The following NR3C2 variants were observed in gnomAD, a reference collection of about 807,000 sequenced individuals.
NR3C2 encodes nuclear receptor subfamily 3 group C member 2.
Under a neutral mutation model 86.4 loss-of-function variants are expected in NR3C2, and 15 were observed. The ratio of observed to expected loss-of-function variants is 0.17; its 90% CI spans 0.12 to 0.27. NR3C2 has a LOEUF of 0.27. Ranked by LOEUF, NR3C2 falls within the 10% of genes least tolerant of loss-of-function variation. NR3C2 has a pLI of 1.00. For missense variants in NR3C2, 960 were observed against 1,195.6 expected (o/e 0.80, Z 2.91); for synonymous variants, 458 against 450.5 (o/e 1.02, Z -0.21).
intron 8 of NR3C2, among the ~76,000 whole-genome samples, chr4:148,088,694 T>C (rs1168680158): frequency 7.1e-6 from 1 of 140,592 alleles, no homozygotes; most frequent in East Asian, 2.2e-4. Context: ...GAGGGGAACA[T>C]CACACACTGG....
intron 7 of NR3C2, among the ~76,000 whole-genome samples, chr4:148,118,235 A>G (rs1438841386): frequency 6.6e-6 from 1 of 152,164 alleles, no homozygotes; most frequent in Admixed American, 6.5e-5. Context: ...TGGTTCCAGA[A>G]GCCCAAAACA....
intron 6 of NR3C2, among the ~76,000 whole-genome samples, chr4:148,127,456 TATA>T (rs1328780372): frequency 3.3e-5 from 5 of 152,196 alleles, no homozygotes; most frequent in Non-Finnish European, 7.3e-5. Flanking sequence ...AGCAAGCTCA[TATA>T]ATGCTTCTGT....
intron 4 of NR3C2, among the ~76,000 whole-genome samples, chr4:148,170,548 A>AT (rs1166314878): frequency 6.6e-6 from 1 of 152,216 alleles, no homozygotes; most frequent in African/African-American, 2.4e-5. Flanking sequence ...CCTGCAACAA[A>AT]TAGGCCTAGG....
intron 2 of NR3C2, among the ~76,000 whole-genome samples, chr4:148,329,113 C>A (rs1579166167): frequency 6.6e-6 from 1 of 152,094 alleles, no homozygotes; most frequent in Non-Finnish European, 1.5e-5. Context: ...ATGATGAAAC[C>A]AGCCTGAGTG....
intron 2 of NR3C2, among the ~76,000 whole-genome samples, chr4:148,337,803 G>A (rs1022691762): frequency 1.3e-5 from 2 of 152,092 alleles, no homozygotes; most frequent in African/African-American, 2.4e-5. Context: ...TTTATAATGC[G>A]ATGATTTCAG....
At chr4:148,421,947 G>T (rs1432888425) in intron 2 of NR3C2, among the ~76,000 whole-genome samples, 1 of 151,998 alleles carries the variant, frequency 6.6e-6, no homozygotes, top group Non-Finnish European at 1.5e-5. Flanking sequence ...ATGAAAATTA[G>T]CTCAAAAATA....
intron 2 of NR3C2, among the ~76,000 whole-genome samples, chr4:148,428,535 C>T (rs936960064): frequency 6.6e-6 from 1 of 152,172 alleles, no homozygotes; most frequent in Non-Finnish European, 1.5e-5. Context: ...ATGCCAGTAA[C>T]TTACCCATAC....
chr4:148,338,245 C>T (rs1744587692), intron 2 of NR3C2, among the ~76,000 whole-genome samples: 1 of 152,122 alleles, frequency 6.6e-6, no homozygotes, highest in Admixed American at 6.6e-5. Flanking sequence ...TCAGAAATTC[C>T]TGTTATTTCT....
At chr4:148,089,963 G>C (rs1730985851) in intron 8 of NR3C2, among the ~76,000 whole-genome samples, 1 of 152,186 alleles carries the variant, frequency 6.6e-6, no homozygotes, top group Admixed American at 6.5e-5. Flanking sequence ...TAGACATCTT[G>C]GTTTCTAGGC....
At chr4:148,180,726 G>A (rs751434587) in intron 4 of NR3C2, among the ~76,000 whole-genome samples, 1 of 151,924 alleles carries the variant, frequency 6.6e-6, no homozygotes, top group Non-Finnish European at 1.5e-5. Context: ...TACTAATTTT[G>A]TATTATTAGT....
At chr4:148,319,403 A>G (rs1200693643) in intron 2 of NR3C2, among the ~76,000 whole-genome samples, 1 of 152,014 alleles carries the variant, frequency 6.6e-6, no homozygotes, top group African/African-American at 2.4e-5. Context: ...GTTTTTTCCA[A>G]TTCTGTGAAG....
rs1739029828 is a variant in NR3C2, at chr4:148,241,331, A to C, written c.1897+18647T>G. Among the ~76,000 whole-genome samples, 2 of 141,324 alleles carry C rather than the reference A, an allele frequency of 1.4e-5. 1 individual carries two copies. The highest frequency in any genetic ancestry group is 3.1e-5 in the Non-Finnish European group (2 of 65,184). 92.7% of individuals were successfully genotyped at this position (141,324 alleles called of 152,430 possible). On this transcript the variant is annotated intron_variant, in intron 3 of 8. Coordinates refer to ENST00000358102, the MANE Select transcript of NR3C2 (RefSeq NM_000901.5). ...AAAAAAAAAAAAAAAAAAAAAAAAAAAAGGGGAAAAATAAAATCTAATCTC... is the reference window on the plus strand; with the variant it reads ...AAAAAAAAAAAAAAAAAAAAAAAAACAAGGGGAAAAATAAAATCTAATCTC...
In NR3C2 at chr4:148,137,791, C is replaced by T. The variant is rs546494461; in HGVS notation, c.2510+14678G>A. On this transcript the variant is annotated intron_variant, in intron 6 of 8. Coordinates refer to ENST00000358102, the MANE Select transcript of NR3C2 (RefSeq NM_000901.5). ...AGGCTAAATTTTTTTCATATACCTC[C>T]CCCAAAACAACCCATCACAACAGAC... is the stretch of plus-strand genomic sequence containing the variant. 1.2e-3 allele frequency among the ~76,000 whole-genome samples: 179 copies of T among 152,150 alleles called. 1 individual carries two copies. The highest frequency in any genetic ancestry group is 3.8e-3 in the African/African-American group (159 of 41,508).
chr4:148,201,056 G>A (rs888925819), intron 3 of NR3C2: 6 of 152,218 alleles, frequency 3.9e-5, no homozygotes, highest in African/African-American at 1.4e-4. Context: ...TGGTGTAGGG[G>A]GCACTCCATA....
At chr4:148,379,361 G>C (rs1746844267) in intron 2 of NR3C2, among the ~76,000 whole-genome samples, 1 of 152,104 alleles carries the variant, frequency 6.6e-6, no homozygotes, top group African/African-American at 2.4e-5. Context: ...TAGGATGAGA[G>C]GAAAGGATTC....
At chr4:148,444,511 T>G (rs1316575123), upstream of NR3C2, 4 of 985,674 alleles carry the variant, frequency 4.1e-6, no homozygotes, top group African/African-American at 7.0e-5. Context: ...GCAAAGTGAC[T>G]GTCGCTGCAC....
chr4:148,305,941 G>A (rs17581605), intron 2 of NR3C2, among the ~76,000 whole-genome samples: 29,809 of 152,098 alleles, frequency 0.2, 3,119 homozygotes, highest in Admixed American at 0.27. Context: ...AAAGAGACTC[G>A]CCAGAGCTAG....
intron 2 of NR3C2, among the ~76,000 whole-genome samples, chr4:148,420,363 A>C (rs970195408): frequency 6.6e-6 from 1 of 152,210 alleles, no homozygotes; most frequent in Non-Finnish European, 1.5e-5. Flanking sequence ...CTTTAAGCTA[A>C]TATGAGACGG....
chr4:148,275,672 C>A (rs1451576284), intron 2 of NR3C2, among the ~76,000 whole-genome samples: 1 of 152,170 alleles, frequency 6.6e-6, no homozygotes, highest in East Asian at 1.9e-4. Context: ...TCAGTTGATC[C>A]ACCCGCCTTG....
Sources: allele counts gnomAD v4.1 joint callset (sites outside exome capture counted in the v4.1 genomes callset), GRCh38; gene constraint gnomAD v4.1.1; transcripts MANE v1.5; gene names NCBI Gene and HGNC (gene_info 2026-07-23, HGNC 2026-07-21).